Variants in ANKS1B observed in about 807,000 individuals in gnomAD.
ANKS1B encodes ankyrin repeat and sterile alpha motif domain-containing protein 1B.
Under a neutral mutation model 148.3 loss-of-function variants are expected in ANKS1B, and 36 were observed. That is an observed-to-expected ratio of 0.24 (90% CI 0.19 to 0.32). ANKS1B has a LOEUF of 0.32. ANKS1B is among the 10% of genes least tolerant of loss of function. The pLI is 1.00. For synonymous variants in ANKS1B, 542 were observed against 560.8 expected, an observed-to-expected ratio of 0.97 and a Z score of 0.47; for missense variants, 1,157 against 1,542.6, an observed-to-expected ratio of 0.75 and a Z score of 4.19.
At chr12:99,619,815 G>A (rs1290555553) in intron 9 of ANKS1B, among the ~76,000 whole-genome samples, 2 of 152,152 alleles carry the variant, frequency 1.3e-5, no homozygotes, top group African/African-American at 2.4e-5. Flanking sequence ...TGGGTGCTTG[G>A]AGGCCACCCA....
At chr12:98,868,970 G>GA (rs947491396) in intron 17 of ANKS1B, among the ~76,000 whole-genome samples, 4 of 152,150 alleles carry the variant, frequency 2.6e-5, no homozygotes, top group Non-Finnish European at 4.4e-5. Flanking sequence ...CTGTTTTGTA[G>GA]AAAAAAACCA....
chr12:99,845,897 A>G lies in ANKS1B; in HGVS notation c.135-20508T>C, dbSNP rs115166819. On this transcript the variant is annotated intron_variant, in intron 1 of 26. Coordinates refer to ENST00000683438, the MANE Select transcript of ANKS1B (RefSeq NM_001352186.2). Reference sequence around the variant, plus strand: ...TTTATTACTGCCTCAATTTCAGAACAATATTGGTCTCTTTAAGTTTTTCAG... The same window carrying G: ...TTTATTACTGCCTCAATTTCAGAACGATATTGGTCTCTTTAAGTTTTTCAG... Among the ~76,000 whole-genome samples, 1,520 of 152,154 alleles carry G rather than the reference A, an allele frequency of 1.0e-2. 27 individuals are homozygous for G. Among genetic ancestry groups the G allele is most frequent in the African/African-American group, 0.035 (1,453 of 41,558 alleles).
chr12:99,123,467 T>C (rs757998349), intron 15 of ANKS1B, among the ~76,000 whole-genome samples: 25 of 151,818 alleles, frequency 1.6e-4, no homozygotes, highest in Admixed American at 3.9e-4. Flanking sequence ...AGTGGATAGA[T>C]GAATATATGA....
intron 9 of ANKS1B, among the ~76,000 whole-genome samples, chr12:99,537,535 C>A (rs748499334): frequency 1.3e-5 from 2 of 152,048 alleles, no homozygotes; most frequent in Admixed American, 1.3e-4. Context: ...CCTTTTCATA[C>A]GCCTGTTTTC....
chr12:99,219,024 C>T (rs1279193019), intron 14 of ANKS1B, among the ~76,000 whole-genome samples: 1 of 152,116 alleles, frequency 6.6e-6, no homozygotes, highest in Admixed American at 6.5e-5. Context: ...CACAAATAAT[C>T]CACAATGTGG....
chr12:99,169,396 G>A (rs541993276), intron 14 of ANKS1B, among the ~76,000 whole-genome samples: 25 of 152,246 alleles, frequency 1.6e-4, no homozygotes, highest in Admixed American at 9.2e-4. Context: ...GCAGGAAAAT[G>A]ACATTTGGAA....
intron 11 of ANKS1B, among the ~76,000 whole-genome samples, chr12:99,424,269 G>A (rs2152725394): frequency 6.6e-6 from 1 of 152,212 alleles, no homozygotes; most frequent in East Asian, 1.9e-4. Flanking sequence ...TCTCAGTGGA[G>A]TCCAAGGATT....
At chr12:99,399,981 AAAT>A (rs1293194409) in intron 11 of ANKS1B, among the ~76,000 whole-genome samples, 170 bp from the exon 12 acceptor site, 3 of 152,286 alleles carry the variant, frequency 2.0e-5, no homozygotes, top group African/African-American at 7.2e-5. Context: ...TTGATGAATT[AAAT>A]AATAAAAAAT....
intron 9 of ANKS1B, among the ~76,000 whole-genome samples, chr12:99,601,098 C>T (rs191806007): frequency 7.9e-5 from 12 of 151,950 alleles, no homozygotes; most frequent in Admixed American, 2.0e-4. Flanking sequence ...CATATATTTG[C>T]TTTCTGTATA....
chr12:99,730,777 G>A (rs369420390), intron 8 of ANKS1B, among the ~76,000 whole-genome samples: 3 of 152,244 alleles, frequency 2.0e-5, no homozygotes, highest in East Asian at 1.9e-4. Context: ...AAGGGTCTCA[G>A]TTCCCCATAG....
rs75548520 is a variant in ANKS1B at position 99,554,328 on chromosome 12, A to C, written c.1273-49687T>G. Among the ~76,000 whole-genome samples the C allele has an allele frequency of 1.4e-4, 22 of 152,296 alleles. 1 individual carries two copies. In the East Asian group the frequency reaches 4.2e-3, roughly 29 times the overall value. ...ATAAGGAAGGATAGATAGCCATGGAATGGATATGAGTCAGGGATTTTTTAA... is the reference window on the plus strand; with the variant it reads ...ATAAGGAAGGATAGATAGCCATGGACTGGATATGAGTCAGGGATTTTTTAA... On this transcript the variant is annotated intron_variant, in intron 9 of 26. Coordinates refer to ENST00000683438, the MANE Select transcript of ANKS1B (RefSeq NM_001352186.2).
intron 12 of ANKS1B, among the ~76,000 whole-genome samples, chr12:99,344,204 T>C (rs534643736): frequency 6.6e-6 from 1 of 152,198 alleles, no homozygotes; most frequent in African/African-American, 2.4e-5. Flanking sequence ...TGTGTGTGTA[T>C]ATGCATGTGT....
At chr12:99,194,660 C>T (rs774260723) in intron 14 of ANKS1B, among the ~76,000 whole-genome samples, 4 of 152,080 alleles carry the variant, frequency 2.6e-5, no homozygotes, top group Non-Finnish European at 2.9e-5. Context: ...AATTATAAAA[C>T]AACTGGGGAC....
intron 9 of ANKS1B, among the ~76,000 whole-genome samples, chr12:99,619,630 T>C (rs986679832): frequency 2.6e-5 from 4 of 151,430 alleles, no homozygotes; most frequent in Admixed American, 1.3e-4. Context: ...ACTGACATGT[T>C]CTGTGCTTCC....
chr12:99,297,831 A>G (rs2081093251), intron 12 of ANKS1B, among the ~76,000 whole-genome samples: 1 of 152,118 alleles, frequency 6.6e-6, no homozygotes, highest in Admixed American at 6.6e-5. Flanking sequence ...CATGGTAATC[A>G]TGTTTAAATA....
chr12:99,526,678 AG>A (rs1281176589), intron 9 of ANKS1B, among the ~76,000 whole-genome samples: 1 of 152,150 alleles, frequency 6.6e-6, no homozygotes, highest in Admixed American at 6.5e-5. Flanking sequence ...TCAAAATTGG[AG>A]GTACCAATTT....
At chr12:99,852,803 C>T (rs1370947157) in intron 1 of ANKS1B, among the ~76,000 whole-genome samples, 1 of 152,202 alleles carries the variant, frequency 6.6e-6, no homozygotes, top group Non-Finnish European at 1.5e-5. Context: ...AGCTGGGAGG[C>T]TTGTAGCCTG....
At chr12:98,990,567 A>AG (rs1491537761) in intron 17 of ANKS1B, among the ~76,000 whole-genome samples, 42 of 114,908 alleles carry the variant, frequency 3.7e-4, no homozygotes, top group South Asian at 1.8e-3. Flanking sequence ...AGAGAGAGAG[A>AG]AAAAAAAAAA....
intron 3 of ANKS1B, among the ~76,000 whole-genome samples, 193 bp downstream of exon 3, chr12:99,811,962 T>C (rs772300376): frequency 1.1e-4 from 16 of 151,904 alleles, no homozygotes; most frequent in Admixed American, 7.9e-4. Context: ...ACAAAGTATC[T>C]TTACAAATGC....
Sources: gnomAD v4.1 joint callset for allele counts (sites outside exome capture counted in the v4.1 genomes callset) on GRCh38, gnomAD v4.1.1 for gene constraint, MANE v1.5 for transcripts, NCBI Gene and HGNC (gene_info 2026-07-23, HGNC 2026-07-21) for gene names.